CDH4: variants seen among roughly 807,000 people sequenced by gnomAD.
The protein encoded by CDH4 is cadherin-4.
Under a neutral mutation model 86.0 loss-of-function variants are expected in CDH4, and 33 were observed. The observed-to-expected ratio is 0.38, with a 90% CI of 0.29 to 0.51. The LOEUF (loss-of-function observed/expected upper bound fraction) is 0.51. Ranked by LOEUF, CDH4 falls within the 20% of genes least tolerant of loss-of-function variation. The pLI is 0.86. For missense variants in CDH4, 1,114 were observed against 1,307.4 expected (o/e 0.85, Z 2.28); for synonymous variants, 555 against 549.4 (o/e 1.01, Z -0.14).
rs1257404889 is a variant in CDH4, at chr20:61,599,927, A to C, written c.170-143636A>C. On this transcript the variant is annotated intron_variant, in intron 2 of 15. Transcript: ENST00000614565. ...GAAAATAAAGGGAGGAAGGAGTCCC[A>C]GCCACAGGGTAGAGGAACGGCCTCT... 4 of 985,422 alleles carry C rather than the reference A, an allele frequency of 4.1e-6. 2 individuals carry two copies. The South Asian group carries it at 1.9e-4, about 46-fold the overall frequency. 61.0% of individuals were successfully genotyped at this position (985,422 alleles called of 1,614,324 possible). A position where few individuals can be genotyped will look rare whatever the true frequency, so the allele number is the denominator to read the frequency against.
chr20:61,379,674 G>T (rs1453593143), intron 2 of CDH4, among the ~76,000 whole-genome samples: 1 of 152,142 alleles, frequency 6.6e-6, no homozygotes, highest in Non-Finnish European at 1.5e-5. Flanking sequence ...TCATTTAAAT[G>T]CACTGATTCG....
intron 2 of CDH4, among the ~76,000 whole-genome samples, chr20:61,306,086 C>G (rs1461840598): frequency 6.6e-6 from 1 of 152,196 alleles, no homozygotes; most frequent in Non-Finnish European, 1.5e-5. Flanking sequence ...TCCTGGCCAT[C>G]ACGCTCTTGA....
chr20:61,508,483 T>C (rs115209630), intron 2 of CDH4, among the ~76,000 whole-genome samples: 3,684 of 152,306 alleles, frequency 0.024, 157 homozygotes, highest in African/African-American at 0.083. Context: ...GCTGGGTCAC[T>C]TGGGTTGGGA....
At chr20:61,898,198 GGCCACACT>G (rs1421527598) in intron 8 of CDH4, among the ~76,000 whole-genome samples, 1 of 152,258 alleles carries the variant, frequency 6.6e-6, no homozygotes, top group Non-Finnish European at 1.5e-5. Flanking sequence ...GGCGAAGGCC[GGCCACACT>G]GCCGCACATG....
intron 2 of CDH4, among the ~76,000 whole-genome samples, chr20:61,640,288 G>C (rs540982369): frequency 6.6e-6 from 1 of 152,252 alleles, no homozygotes; most frequent in Admixed American, 6.5e-5. Context: ...GCAACGTCAC[G>C]TGCCTCGGCG....
intron 2 of CDH4, among the ~76,000 whole-genome samples, chr20:61,531,938 A>G (rs1029348232): frequency 2.0e-5 from 3 of 152,266 alleles, no homozygotes; most frequent in Admixed American, 6.5e-5. Context: ...GTTTGTTCTT[A>G]TCTTCTGCGC....
intron 4 of CDH4, among the ~76,000 whole-genome samples, chr20:61,796,492 G>A (rs1979543665): frequency 6.6e-6 from 1 of 152,216 alleles, no homozygotes; most frequent in African/African-American, 2.4e-5. Context: ...TTCCTGGAAA[G>A]GGGCATCCTG....
rs2055252991 is a variant in CDH4 at position 61,940,591 on chromosome 20, G to A, written c.*3648G>A. On this transcript the variant is annotated 3_prime_UTR_variant, in exon 16 of 16. Coordinates refer to ENST00000614565, the MANE Select transcript of CDH4 (RefSeq NM_001794.5). ...GGCAGGCGGGGCGCGCTGCTCCAGA[G>A]AATGAATAAAGTCCCCCTTTTCCGT... 1 of 152,240 alleles carries A rather than the reference G, an allele frequency of 6.6e-6. No homozygotes were observed. The highest frequency in any genetic ancestry group is 2.4e-5 in the African/African-American group (1 of 41,464). 9.4% of individuals were successfully genotyped at this position (152,240 alleles called of 1,614,324 possible).
chr20:61,432,964 G>A (rs952049879), intron 2 of CDH4, among the ~76,000 whole-genome samples: 4 of 150,140 alleles, frequency 2.7e-5, no homozygotes, highest in Admixed American at 1.3e-4. Flanking sequence ...TCAGCCTCCC[G>A]GGTACCTGGG....
At chr20:61,547,477 G>C (rs1310591698) in intron 2 of CDH4, among the ~76,000 whole-genome samples, 1 of 151,664 alleles carries the variant, frequency 6.6e-6, no homozygotes, top group Non-Finnish European at 1.5e-5. Context: ...GCCTCCCAAA[G>C]TGCTGGGATT....
intron 2 of CDH4, among the ~76,000 whole-genome samples, chr20:61,398,128 T>G (rs140145460): frequency 6.6e-6 from 1 of 152,346 alleles, no homozygotes; most frequent in East Asian, 1.9e-4. Flanking sequence ...CACGTTAGAA[T>G]TGAATGAGCA....
intron 2 of CDH4, among the ~76,000 whole-genome samples, chr20:61,313,782 G>A (rs1478839743): frequency 6.6e-6 from 1 of 152,192 alleles, no homozygotes; most frequent in South Asian, 2.1e-4. Context: ...TGTCACCCAG[G>A]CTGGAGTGCA....
In CDH4 at chr20:61,339,592, A is replaced by T. The variant is rs905891694; in HGVS notation, c.169+84655A>T. On this transcript the variant is annotated intron_variant, in intron 2 of 15. Transcript: ENST00000614565. Reference sequence around the variant, plus strand: ...TTTTTTTTACATCAGACTCTCTCATAATAGATGGAATTATTGAGTCCAGAT... The same window carrying T: ...TTTTTTTTACATCAGACTCTCTCATTATAGATGGAATTATTGAGTCCAGAT... Among the ~76,000 whole-genome samples, 7 of 152,250 alleles carry T rather than the reference A, an allele frequency of 4.6e-5. No homozygotes were observed. In the South Asian group the frequency reaches 1.5e-3, roughly 32 times the overall value.
At chr20:61,323,006 G>A (rs1434960575) in intron 2 of CDH4, among the ~76,000 whole-genome samples, 1 of 152,184 alleles carries the variant, frequency 6.6e-6, no homozygotes, top group Non-Finnish European at 1.5e-5. Context: ...TCATTTCACA[G>A]GTGCAGAGTT....
chr20:61,827,959 G>A (rs968751618), intron 4 of CDH4, among the ~76,000 whole-genome samples: 1 of 152,146 alleles, frequency 6.6e-6, no homozygotes, highest in East Asian at 1.9e-4. Context: ...CACCCTTGAG[G>A]AAGCTAAGTA....
chr20:61,525,687 C>T (rs922595688), intron 2 of CDH4, among the ~76,000 whole-genome samples: 1 of 152,172 alleles, frequency 6.6e-6, no homozygotes, highest in Non-Finnish European at 1.5e-5. Flanking sequence ...CTGTTATGTT[C>T]TTATTGATTA....
intron 4 of CDH4, among the ~76,000 whole-genome samples, chr20:61,841,033 G>C (rs930762225): frequency 6.6e-6 from 1 of 152,164 alleles, no homozygotes; most frequent in African/African-American, 2.4e-5. Flanking sequence ...GGATTGATTC[G>C]CCCAAAACTA....
At chr20:61,819,167 C>T (rs953784271) in intron 4 of CDH4, among the ~76,000 whole-genome samples, 1 of 152,204 alleles carries the variant, frequency 6.6e-6, no homozygotes, top group African/African-American at 2.4e-5. Context: ...ATGTCACCTC[C>T]GCTTCCCAGA....
At chr20:61,930,116 CCT>C (rs1461342848) in intron 13 of CDH4, among the ~76,000 whole-genome samples, 10 of 152,226 alleles carry the variant, frequency 6.6e-5, no homozygotes, top group Non-Finnish European at 8.8e-5. Context: ...TCCCAGAGCC[CCT>C]GTGTCCTGAA....
Sources: gnomAD v4.1 joint callset for allele counts (sites outside exome capture counted in the v4.1 genomes callset) on GRCh38, gnomAD v4.1.1 for gene constraint, MANE v1.5 for transcripts, NCBI Gene and HGNC (gene_info 2026-07-23, HGNC 2026-07-21) for gene names.